Variants in CACNA1E observed in about 807,000 individuals in gnomAD.
CACNA1E encodes voltage-dependent R-type calcium channel subunit alpha-1E.
CACNA1E carries 40 observed loss-of-function variants against 259.2 expected under a neutral mutation model. That is an observed-to-expected ratio of 0.15 (90% CI 0.12 to 0.20). The LOEUF (loss-of-function observed/expected upper bound fraction) is 0.20. Among genes scored for constraint, CACNA1E ranks in the 10% least tolerant of loss-of-function variants. CACNA1E has a pLI of 1.00. For synonymous variants in CACNA1E, 1,104 were observed against 1,138.5 expected (o/e 0.97, Z 0.61); for missense variants, 1,874 against 3,040.1 (o/e 0.62, Z 9.02).
chr1:181,577,406 A>G (rs1260025109), intron 3 of CACNA1E, among the ~76,000 whole-genome samples: 2 of 152,190 alleles, frequency 1.3e-5, no homozygotes, highest in African/African-American at 4.8e-5. Context: ...AAAAAAATAC[A>G]AGGGCCTGGT....
rs149108460 is a variant in CACNA1E at position 181,439,832 on chromosome 1, A to G, written c.434+26252A>G. ...CCCACAGGGAGGCAGCATCTTTTCTACTTAAGAAGTACCTTTCGGAAGTGC... is the reference window on the plus strand; with the variant it reads ...CCCACAGGGAGGCAGCATCTTTTCTGCTTAAGAAGTACCTTTCGGAAGTGC... On this transcript the variant is annotated intron_variant, in intron 2 of 11. Coordinates refer to the CACNA1E transcript ENST00000524607. Among the ~76,000 whole-genome samples, 487 of 152,276 alleles carry G rather than the reference A, an allele frequency of 3.2e-3. 4 individuals are homozygous for G. The highest frequency in any genetic ancestry group is 0.011 in the African/African-American group (460 of 41,550).
At chr1:181,408,932 G>A (rs1284933059) in intron 1 of CACNA1E, among the ~76,000 whole-genome samples, 1 of 152,172 alleles carries the variant, frequency 6.6e-6, no homozygotes, top group Non-Finnish European at 1.5e-5. Context: ...TCAGGAAGCT[G>A]CTCACCTGGG....
intron 6 of CACNA1E, 87 bp downstream of exon 6, chr1:181,580,863 G>T (rs548351543): frequency 6.8e-6 from 8 of 1,170,778 alleles, no homozygotes; most frequent in South Asian, 1.3e-5. Context: ...CTAGTCCGGG[G>T]ACAGGGAGGG....
At chr1:181,468,336 A>G (rs548404407) in intron 2 of CACNA1E, among the ~76,000 whole-genome samples, 48 of 152,314 alleles carry the variant, frequency 3.2e-4, no homozygotes, top group Non-Finnish European at 5.4e-4. Context: ...GGGAAGGTTG[A>G]GGACAGGCTT....
chr1:181,352,134 A>G (rs1456030869), intron 1 of CACNA1E, among the ~76,000 whole-genome samples: 1 of 152,186 alleles, frequency 6.6e-6, no homozygotes, highest in African/African-American at 2.4e-5. Context: ...TGATATTTTA[A>G]TTTTTCATAA....
At chr1:181,536,118 T>G (rs1668153613) in intron 3 of CACNA1E, among the ~76,000 whole-genome samples, 1 of 152,312 alleles carries the variant, frequency 6.6e-6, no homozygotes, top group Middle Eastern at 3.4e-3. Context: ...TTATTTTTAT[T>G]TTTATGGCAT....
At chr1:181,619,106 C>A (rs1655486194) in intron 6 of CACNA1E, among the ~76,000 whole-genome samples, 1 of 152,024 alleles carries the variant, frequency 6.6e-6, no homozygotes, top group African/African-American at 2.4e-5. Context: ...CCTCATGGAA[C>A]TTACATTGTT....
chr1:181,772,030 GCTGCT>G, intron 36 of CACNA1E, 31 bp from the exon 37 acceptor site: 1 of 1,602,330 alleles, frequency 6.2e-7, no homozygotes. Context: ...GATCTGCAGA[GCTGCT>G]CCTGCTAACC....
At chr1:181,391,935 C>CTGTGTGTGTGTG (rs1557965733) in intron 1 of CACNA1E, among the ~76,000 whole-genome samples, 5 of 76,686 alleles carry the variant, frequency 6.5e-5, no homozygotes, top group African/African-American at 2.0e-4. Flanking sequence ...GTCTCTCTCT[C>CTGTGTGTGTGTG]TCTCTCTCTC....
At chr1:181,654,461 A>G (rs1187281801) in intron 7 of CACNA1E, among the ~76,000 whole-genome samples, 1 of 152,208 alleles carries the variant, frequency 6.6e-6, no homozygotes, top group Non-Finnish European at 1.5e-5. Flanking sequence ...AAATGTTCCC[A>G]GAGCCAAAAG....
intron 6 of CACNA1E, among the ~76,000 whole-genome samples, chr1:181,650,797 G>C (rs1658687048): frequency 6.6e-6 from 1 of 152,130 alleles, no homozygotes; most frequent in South Asian, 2.1e-4. Flanking sequence ...GCCTTGCTGG[G>C]GCCAAGCCTG....
At chr1:181,611,852 G>T (rs1192777378) in intron 6 of CACNA1E, among the ~76,000 whole-genome samples, 1 of 152,206 alleles carries the variant, frequency 6.6e-6, no homozygotes, top group Non-Finnish European at 1.5e-5. Context: ...AAGACCACTT[G>T]TATATGATCA....
At chr1:181,630,396 C>CCG (rs1553304324) in intron 6 of CACNA1E, among the ~76,000 whole-genome samples, 19 of 151,156 alleles carry the variant, frequency 1.3e-4, no homozygotes, top group African/African-American at 4.6e-4. Flanking sequence ...CCCCCCACCC[C>CCG]GCCTTAAAAC....
Position 181,525,494 on chromosome 1 carries a change from A to G in CACNA1E, c.512+13984A>G, listed in dbSNP as rs578026794. Among the ~76,000 whole-genome samples the G allele has an allele frequency of 2.0e-5, 3 of 152,320 alleles. No homozygotes were observed. The South Asian group carries it at 6.2e-4, about 32-fold the overall frequency. On this transcript the variant is annotated intron_variant, in intron 3 of 47. Transcript: ENST00000367573. ...TATTTTTGTCCTCTTCAAGATAGCA[A>G]AGCCTAGGGGTAGTCAGCCAGCTGA...
intron 7 of CACNA1E, among the ~76,000 whole-genome samples, chr1:181,682,430 C>G (rs143398044): frequency 6.6e-6 from 1 of 152,124 alleles, no homozygotes; most frequent in Non-Finnish European, 1.5e-5. Flanking sequence ...GAGACATTCC[C>G]GCCAAGCTGG....
At chr1:181,526,592 A>G (rs1004802691) in intron 3 of CACNA1E, among the ~76,000 whole-genome samples, 1 of 152,166 alleles carries the variant, frequency 6.6e-6, no homozygotes, top group Admixed American at 6.5e-5. Flanking sequence ...TGGTTTTTCT[A>G]TATCATTTTG....
chr1:181,573,160 T>C (rs982236630), intron 3 of CACNA1E, among the ~76,000 whole-genome samples: 1 of 152,152 alleles, frequency 6.6e-6, no homozygotes, highest in Non-Finnish European at 1.5e-5. Context: ...ACAATAGCAA[T>C]ATGAGGAAAA....
Position 181,450,507 on chromosome 1 carries a change from C to G in CACNA1E, c.435-33237C>G, listed in dbSNP as rs140814441. ...AGAAGAAGGAAAGACAAGTTCTAGG[C>G]AGAATAGATGGCATGGGAAAACACC... On this transcript the variant is annotated intron_variant, in intron 2 of 11. Coordinates refer to the CACNA1E transcript ENST00000524607. 8.4e-4 allele frequency among the ~76,000 whole-genome samples: 127 copies of G among 151,814 alleles called. 1 individual carries two copies. The East Asian group carries it at 0.023, about 27-fold the overall frequency.
chr1:181,367,963 G>A (rs1020328910), intron 1 of CACNA1E, among the ~76,000 whole-genome samples: 1 of 152,204 alleles, frequency 6.6e-6, no homozygotes, highest in Admixed American at 6.5e-5. Flanking sequence ...AGGCATGGTA[G>A]CTTGCCCCTG....
Sources: allele counts gnomAD v4.1 joint callset (sites outside exome capture counted in the v4.1 genomes callset), GRCh38; gene constraint gnomAD v4.1.1; transcripts MANE v1.5; gene names NCBI Gene and HGNC (gene_info 2026-07-23, HGNC 2026-07-21).